The following FYB1 variants were observed in gnomAD, a reference collection of about 807,000 sequenced individuals.
The protein encoded by FYB1 is FYN binding protein 1.
FYB1 carries 41 observed loss-of-function variants against 94.1 expected under a neutral mutation model. The observed-to-expected ratio is 0.44, with a 90% CI of 0.34 to 0.57. FYB1 has a LOEUF of 0.57. FYB1 is among the 20% of genes least tolerant of loss of function. FYB1 has a pLI of 0.02. For synonymous variants in FYB1, 367 were observed against 353.2 expected, an observed-to-expected ratio of 1.04 and a Z score of -0.44; for missense variants, 1,050 against 976.8, an observed-to-expected ratio of 1.07 and a Z score of -1.00.
intron 16 of FYB1, among the ~76,000 whole-genome samples, chr5:39,114,113 T>C (rs1735202426): frequency 6.6e-6 from 1 of 152,164 alleles, no homozygotes; most frequent in African/African-American, 2.4e-5. Flanking sequence ...TTAAAATCCC[T>C]TGGTCTTTGA....
At chr5:39,142,182 T>G (rs1440177783) in intron 3 of FYB1, among the ~76,000 whole-genome samples, 2 of 152,180 alleles carry the variant, frequency 1.3e-5, no homozygotes, top group Non-Finnish European at 2.9e-5. Context: ...CCCCCCTGCT[T>G]TTCTACAATC....
At chr5:39,128,132 T>C (rs1269148397) in intron 10 of FYB1, among the ~76,000 whole-genome samples, 1 of 152,036 alleles carries the variant, frequency 6.6e-6, no homozygotes, top group East Asian at 1.9e-4. Flanking sequence ...GATACAAATC[T>C]AGCTAACTAG....
Position 39,202,158 on chromosome 5 carries a change from G to C in FYB1, c.803C>G (p.Ala268Gly), listed in dbSNP as rs193260260. The change falls in exon 2 of 19, where the codon GCG becomes GGG. Residue 268 changes from alanine (A) to glycine (G), a missense_variant. Transcript: ENST00000512982. ...PFPGVVLKPA[A>G]SRGGPGLSKN... Reference sequence around the variant, plus strand: ...GGAGAGACCTGGGCCTCCCCTGCTCGCAGCAGGTTTCAAAACCACTCCAGG... The same window carrying C: ...GGAGAGACCTGGGCCTCCCCTGCTCCCAGCAGGTTTCAAAACCACTCCAGG... 6.3e-5 allele frequency: 102 copies of C among 1,613,898 alleles called. 1 individual carries two copies. In the Admixed American group the frequency reaches 1.3e-3, roughly 20 times the overall value.
In FYB1 at chr5:39,134,251, G is replaced by C; in HGVS notation, c.1774C>G (p.Gln592Glu). Reference sequence around the variant, plus strand: ...TCTGCAACATCATCATATACTTCTTGGTCATCTTCAATAGGTCTTGAAGGG... The same window carrying C: ...TCTGCAACATCATCATATACTTCTTCGTCATCTTCAATAGGTCTTGAAGGG... Reference protein sequence around the residue: ...GAPSRPIEDDQEVYDDVAEQD... With the variant: ...GAPSRPIEDDEEVYDDVAEQD... The change falls in exon 9 of 19, where the codon CAA becomes GAA. Residue 592 changes from glutamine to glutamate, a missense_variant. By Grantham distance (29) the Gln-to-Glu change is conservative. Transcript: ENST00000512982. The C allele has an allele frequency of 6.2e-7, 1 of 1,612,208 alleles. No homozygotes were observed. Among genetic ancestry groups the C allele is most frequent in the Non-Finnish European group, 8.5e-7 (1 of 1,178,590 alleles).
At chr5:39,125,364 G>T (rs1740550573) in intron 12 of FYB1, among the ~76,000 whole-genome samples, 1 of 152,038 alleles carries the variant, frequency 6.6e-6, no homozygotes, top group African/African-American at 2.4e-5. Context: ...TATACTAAAG[G>T]ATTATTTTTG....
intron 1 of FYB1, among the ~76,000 whole-genome samples, chr5:39,264,740 C>T (rs935793248): frequency 2.0e-5 from 3 of 152,080 alleles, no homozygotes; most frequent in Non-Finnish European, 4.4e-5. Context: ...TCATTGGTTT[C>T]GGGGCCTGAG....
intron 2 of FYB1, among the ~76,000 whole-genome samples, chr5:39,195,368 G>A (rs941316697): frequency 2.0e-5 from 3 of 152,206 alleles, no homozygotes; most frequent in African/African-American, 7.2e-5. Context: ...ATAAGGTCAT[G>A]TTAAGAGAGT....
intron 1 of FYB1, among the ~76,000 whole-genome samples, chr5:39,269,487 T>C (rs966291925): frequency 6.6e-6 from 1 of 152,156 alleles, no homozygotes; most frequent in Admixed American, 6.5e-5. Flanking sequence ...GCACTAACAT[T>C]TCCTCTACCG....
Position 39,258,329 on chromosome 5 carries a change from G to A in FYB1, c.-28+16074C>T, listed in dbSNP as rs1382159818. ...AAAGATATGAAGCTAGCCGGGCGTG[G>A]TGGCTCACACCTGTAATCTCAGCAC... On this transcript the variant is annotated intron_variant, in intron 1 of 1. Transcript: ENST00000510188. Among the ~76,000 whole-genome samples, 7 of 152,314 alleles carry A rather than the reference G, an allele frequency of 4.6e-5. No homozygotes were observed. In the East Asian group the frequency reaches 1.2e-3, roughly 25 times the overall value.
chr5:39,196,702 A>C (rs1650798806), intron 2 of FYB1, among the ~76,000 whole-genome samples: 1 of 152,182 alleles, frequency 6.6e-6, no homozygotes, highest in Non-Finnish European at 1.5e-5. Context: ...TGGGAGTTTC[A>C]TTTATGCTTG....
intron 1 of FYB1, chr5:39,250,842 A>T (rs968171213): frequency 2.6e-5 from 4 of 152,214 alleles, no homozygotes; most frequent in African/African-American, 9.7e-5. Context: ...TTTCAGGATA[A>T]GGAAAAACAA....
rs1256946677 is a variant in FYB1, at chr5:39,118,956, T to C, written c.2319A>G (p.Leu773=). The C allele has an allele frequency of 1.3e-5, 21 of 1,575,468 alleles. No individual in the cohort carries two copies. Among genetic ancestry groups the C allele is most frequent in the Middle Eastern group, 1.7e-4 (1 of 5,908 alleles). ...ITSKKWGTRD[L]QVKPGESLEV... ...CTAGAGATTCACCAGGTTTTACCTG[T>C]AGATCTCTGGTTCCCCACTTTTTAG... Residue 773 remains leucine (L), a synonymous_variant, in exon 16 of 19, where the codon CTA becomes CTG. Transcript: ENST00000512982.
chr5:39,262,120 CA>C (rs1282399974), intron 1 of FYB1, among the ~76,000 whole-genome samples: 2 of 151,840 alleles, frequency 1.3e-5, no homozygotes, highest in Non-Finnish European at 2.9e-5. Context: ...ACATCAAAAG[CA>C]GAAATGATAA....
intron 1 of FYB1, among the ~76,000 whole-genome samples, chr5:39,218,837 G>A (rs1318787963): frequency 6.6e-6 from 1 of 152,226 alleles, no homozygotes; most frequent in Non-Finnish European, 1.5e-5. Context: ...GGAAAATTTG[G>A]AGTTGCTGGT....
In FYB1 at chr5:39,126,015, G is replaced by T. The variant is rs1448979815; in HGVS notation, c.2028C>A (p.Asp676Glu). The T allele has an allele frequency of 6.2e-7, 1 of 1,613,288 alleles. No individual in the cohort carries two copies. Reference protein sequence around the residue: ...IREKPKVSDSDNNEGSSFPAP... With the variant: ...IREKPKVSDSENNEGSSFPAP... Reference sequence around the variant, plus strand: ...ACTCTTACGATGAACCTTCATTATTGTCTGAGTCAGAGACTTTAGGTTTCT... The same window carrying T: ...ACTCTTACGATGAACCTTCATTATTTTCTGAGTCAGAGACTTTAGGTTTCT... The change falls in exon 12 of 19, where the codon GAC (aspartate) becomes GAA (glutamate). Residue 676 changes from aspartate (D) to glutamate (E), a missense_variant. By Grantham distance (45) the Asp-to-Glu change is conservative. Transcript: ENST00000512982.
intron 16 of FYB1, among the ~76,000 whole-genome samples, chr5:39,117,135 T>C (rs1158803871): frequency 6.6e-6 from 1 of 152,188 alleles, no homozygotes; most frequent in Non-Finnish European, 1.5e-5. Context: ...TCATTTAGAC[T>C]CATCACCTTA....
At chr5:39,258,391 G>A (rs940096210) in intron 1 of FYB1, among the ~76,000 whole-genome samples, 5 of 152,124 alleles carry the variant, frequency 3.3e-5, no homozygotes, top group African/African-American at 1.2e-4. Flanking sequence ...CCTGAGGTCA[G>A]GAGTTTGAGA....
chr5:39,173,312 T>C (rs1449867503), intron 2 of FYB1, among the ~76,000 whole-genome samples: 1 of 152,222 alleles, frequency 6.6e-6, no homozygotes, highest in African/African-American at 2.4e-5. Context: ...TGCTTGTTGA[T>C]TTAAGCTCCT....
rs780460510 is a variant in FYB1 at position 39,153,528 on chromosome 5, T to A, written c.1212A>T (p.Pro404=). ...GTGATGGGTGAGATGCTGGCAATGG[T>A]GGTTGGCTGGCCGGATGGGATGGTG... ...PPPPSHPASQ[P]PLPASHPSQP... The change falls in exon 3 of 19, where the codon CCA becomes CCT. Residue 404 remains proline, a synonymous_variant. Transcript: ENST00000512982. 3.3e-5 allele frequency: 53 copies of A among 1,613,608 alleles called. No individual in the cohort carries two copies. Among genetic ancestry groups the A allele is most frequent in the Non-Finnish European group, 4.3e-5 (51 of 1,179,830 alleles).
Sources: allele counts gnomAD v4.1 joint callset (sites outside exome capture counted in the v4.1 genomes callset), GRCh38; gene constraint gnomAD v4.1.1; transcripts MANE v1.5; gene names NCBI Gene and HGNC (gene_info 2026-07-23, HGNC 2026-07-21).